The following NEK7 variants were observed in gnomAD, a reference collection of about 807,000 sequenced individuals.
NEK7 encodes the protein serine/threonine-protein kinase Nek7.
Under a neutral mutation model 44.6 loss-of-function variants are expected in NEK7, and 18 were observed. The ratio of observed to expected loss-of-function variants is 0.40; its 90% CI spans 0.28 to 0.60. The LOEUF (loss-of-function observed/expected upper bound fraction) is 0.60, where lower values mean the gene tolerates loss of function less well. Among genes scored for constraint, NEK7 ranks in the 20% least tolerant of loss-of-function variants. NEK7 has a pLI of 0.38. For missense variants in NEK7, 256 were observed against 366.5 expected, an observed-to-expected ratio of 0.70 and a Z score of 2.46; for synonymous variants, 130 against 121.1, an observed-to-expected ratio of 1.07 and a Z score of -0.48.
At chr1:198,213,827 A>T (rs1299031124) in intron 1 of NEK7, among the ~76,000 whole-genome samples, 1 of 152,126 alleles carries the variant, frequency 6.6e-6, no homozygotes, top group Non-Finnish European at 1.5e-5. Context: ...TATTGCATTT[A>T]TCACTGGCTT....
At chr1:198,228,904 G>A (rs1666306600) in intron 1 of NEK7, among the ~76,000 whole-genome samples, 1 of 152,146 alleles carries the variant, frequency 6.6e-6, no homozygotes, top group Admixed American at 6.5e-5. Flanking sequence ...CTAACACTAT[G>A]TGGAATAGGA....
Position 198,264,134 on chromosome 1 carries a change from C to G in NEK7, c.271C>G (p.His91Asp). The G allele has an allele frequency of 6.3e-7, 1 of 1,583,308 alleles. No homozygotes were observed. The highest frequency in any genetic ancestry group is 8.6e-7 in the Non-Finnish European group (1 of 1,168,666). ...TGTTTTATTTTCTCAGCAACTCAAC[C>G]ATCCAAATGTAATAAAATATTATGC... ...KEIDLLKQLN[H>D]PNVIKYYASF... The change falls in exon 5 of 10, where the codon CAT becomes GAT. Residue 91 changes from histidine to aspartate, a missense_variant. Coordinates refer to ENST00000367385, the MANE Select transcript of NEK7 (RefSeq NM_133494.3).
At chr1:198,261,711 CACTT>C (rs1286213815) in intron 3 of NEK7, among the ~76,000 whole-genome samples, 1 of 151,842 alleles carries the variant, frequency 6.6e-6, no homozygotes. Context: ...ATTTTCCACA[CACTT>C]AGAACCTTGA....
rs768387407 is a variant in NEK7 at position 198,297,182 on chromosome 1, G to T, written c.740G>T (p.Cys247Phe). The T allele has an allele frequency of 6.2e-7, 1 of 1,613,492 alleles. No individual in the cohort carries two copies. Among genetic ancestry groups the T allele is most frequent in the South Asian group, 1.1e-5 (1 of 91,060 alleles). Reference protein sequence around the residue: ...YGDKMNLYSLCKKIEQCDYPP... With the variant: ...YGDKMNLYSLFKKIEQCDYPP... ...GACAAAATGAATTTATACTCACTGT[G>T]TAAGAAGATAGAACAGTGTGACTAC... Residue 247 changes from cysteine to phenylalanine, a missense_variant, in exon 9 of 10, where the codon TGT becomes TTT. Cys to Phe is a radical substitution (Grantham distance 205). Transcript: ENST00000367385.
At chr1:198,215,806 T>TA (rs74334929) in intron 1 of NEK7, among the ~76,000 whole-genome samples, 36 of 150,388 alleles carry the variant, frequency 2.4e-4, no homozygotes, top group South Asian at 1.5e-3. Flanking sequence ...AGTAAAAAAA[T>TA]AAAAAAAAAC....
chr1:198,313,327 G>A (rs1051799274), intron 9 of NEK7, among the ~76,000 whole-genome samples: 7 of 151,396 alleles, frequency 4.6e-5, no homozygotes, highest in East Asian at 3.9e-4. Context: ...TTGAGCCTAT[G>A]TGTGTCTCTG....
At chr1:198,178,637 C>T (rs1664671396) in intron 1 of NEK7, among the ~76,000 whole-genome samples, 1 of 151,956 alleles carries the variant, frequency 6.6e-6, no homozygotes, top group Non-Finnish European at 1.5e-5. Context: ...CTTTATTTTG[C>T]CCAGTATTTT....
intron 1 of NEK7, among the ~76,000 whole-genome samples, chr1:198,231,161 TA>T (rs1666376634): frequency 6.6e-6 from 1 of 151,060 alleles, no homozygotes; most frequent in Admixed American, 6.6e-5. Flanking sequence ...GTAGTAATAG[TA>T]CAGTGTAGTA....
chr1:198,210,741 CTTTTTTTTTTTTTTTT>C (rs140181207), intron 1 of NEK7, among the ~76,000 whole-genome samples: 2 of 57,536 alleles, frequency 3.5e-5, no homozygotes, highest in African/African-American at 7.2e-5. Flanking sequence ...ATTTGTATTT[CTTTTTTTTTTTTTTTT>C]TTTTTTTTTT....
chr1:198,267,148 C>A (rs1653678579), intron 5 of NEK7, among the ~76,000 whole-genome samples: 1 of 152,190 alleles, frequency 6.6e-6, no homozygotes, highest in Non-Finnish European at 1.5e-5. Flanking sequence ...CTATCATTAT[C>A]TGTTCCCAGT....
At chr1:198,216,903 G>C (rs1011980713) in intron 1 of NEK7, among the ~76,000 whole-genome samples, 1 of 151,872 alleles carries the variant, frequency 6.6e-6, no homozygotes, top group Non-Finnish European at 1.5e-5. Flanking sequence ...GGAAGAAATA[G>C]AAATTCTGAA....
chr1:198,184,487 C>G (rs912961940), intron 1 of NEK7, among the ~76,000 whole-genome samples: 13 of 152,266 alleles, frequency 8.5e-5, no homozygotes, highest in Admixed American at 6.5e-4. Flanking sequence ...ATATAACTTT[C>G]ATTTTTCTAG....
At chr1:198,240,733 A>C (rs1243760082) in intron 2 of NEK7, among the ~76,000 whole-genome samples, 1 of 152,186 alleles carries the variant, frequency 6.6e-6, no homozygotes, top group Non-Finnish European at 1.5e-5. Flanking sequence ...TCTGTCACCT[A>C]GGCTGGAGTG....
chr1:198,276,145 GGTAA>G (rs1171497294), intron 5 of NEK7, among the ~76,000 whole-genome samples: 9 of 151,516 alleles, frequency 5.9e-5, no homozygotes, highest in Non-Finnish European at 7.4e-5. Flanking sequence ...ATCTTGGTCC[GGTAA>G]CGTCTTCCCT....
intron 7 of NEK7, among the ~76,000 whole-genome samples, chr1:198,279,575 C>T (rs1273759898): frequency 2.0e-5 from 3 of 151,766 alleles, no homozygotes; most frequent in African/African-American, 4.8e-5. Flanking sequence ...ATATATTCTC[C>T]TTGTAAATAC....
intron 5 of NEK7, among the ~76,000 whole-genome samples, chr1:198,274,418 A>C (rs1006312309): frequency 1.3e-5 from 2 of 151,742 alleles, no homozygotes; most frequent in Admixed American, 6.6e-5. Context: ...CCAGACCTGC[A>C]TAACACAGGT....
At chr1:198,175,634 C>T (rs1309709709) in intron 1 of NEK7, among the ~76,000 whole-genome samples, 3 of 152,278 alleles carry the variant, frequency 2.0e-5, no homozygotes, top group East Asian at 1.9e-4. Flanking sequence ...TTTTGCCAGA[C>T]TTTAGTTGTT....
At chr1:198,206,487 T>A (rs2102805850) in intron 1 of NEK7, among the ~76,000 whole-genome samples, 1 of 152,304 alleles carries the variant, frequency 6.6e-6, no homozygotes, top group East Asian at 1.9e-4. Flanking sequence ...TAAAAAATAT[T>A]AATCCTGATT....
chr1:198,316,670 T>TTG (rs1416348541), intron 9 of NEK7, among the ~76,000 whole-genome samples: 4 of 152,230 alleles, frequency 2.6e-5, no homozygotes, highest in Non-Finnish European at 4.4e-5. Flanking sequence ...TTCCGCTAGA[T>TTG]TGTAGGCTGT....
Sources: gnomAD v4.1 joint callset for allele counts (sites outside exome capture counted in the v4.1 genomes callset) on GRCh38, gnomAD v4.1.1 for gene constraint, MANE v1.5 for transcripts, NCBI Gene and HGNC (gene_info 2026-07-23, HGNC 2026-07-21) for gene names.